The following HKDC1 variants were observed in gnomAD, a reference collection of about 807,000 sequenced individuals.
HKDC1 encodes hexokinase HKDC1.
Under a neutral mutation model 96.6 loss-of-function variants are expected in HKDC1, and 66 were observed. The observed-to-expected ratio is 0.68, with a 90% CI of 0.56 to 0.84. The LOEUF (loss-of-function observed/expected upper bound fraction) is 0.84. HKDC1 is among the 40% of genes least tolerant of loss of function. The pLI, the probability that HKDC1 is intolerant of heterozygous loss-of-function variation, is 0.00. For missense variants in HKDC1, 1,211 were observed against 1,208.1 expected (o/e 1.00, Z -0.04); for synonymous variants, 466 against 473.1 (o/e 0.98, Z 0.20).
chr10:69,245,380 T>C (rs2132355549), intron 7 of HKDC1, among the ~76,000 whole-genome samples: 1 of 151,740 alleles, frequency 6.6e-6, no homozygotes, highest in East Asian at 1.9e-4. Context: ...AGGCCAGGAG[T>C]TTATGATAAG....
intron 1 of HKDC1, 135 bp from the exon 2 acceptor site, chr10:69,227,072 G>A: frequency 1.1e-6 from 1 of 929,432 alleles, no homozygotes; most frequent in Non-Finnish European, 1.7e-6. Context: ...CAGATAGGGA[G>A]GCTTTGGGAA....
intron 15 of HKDC1, 69 bp downstream of exon 15, chr10:69,259,028 A>G: frequency 8.1e-7 from 1 of 1,237,704 alleles, no homozygotes; most frequent in Non-Finnish European, 1.1e-6. Context: ...CTAAGGGGGT[A>G]CCATAGACAG....
rs201928386 is a variant in HKDC1 at position 69,232,793 on chromosome 10, G to A, written c.256G>A (p.Gly86Arg). The change falls in exon 3 of 18, where the codon GGA (glycine) becomes AGA (arginine). Residue 86 changes from glycine to arginine, a missense_variant. Gly to Arg is a moderately radical substitution (Grantham distance 125, BLOSUM62 -2). Coordinates refer to ENST00000354624, the MANE Select transcript of HKDC1 (RefSeq NM_025130.4). Reference sequence around the variant, plus strand: ...TGGGGAGTTCCTTTCCCTGGATCTCGGAGGGTCCAAGTTCCGAGTGCTGAA... The same window carrying A: ...TGGGGAGTTCCTTTCCCTGGATCTCAGAGGGTCCAAGTTCCGAGTGCTGAA... ...ENGEFLSLDL[G>R]GSKFRVLKVQ... 1.4e-5 allele frequency: 22 copies of A among 1,614,134 alleles called. No homozygotes were observed. Among genetic ancestry groups the A allele is most frequent in the Admixed American group, 6.7e-5 (4 of 60,008 alleles).
chr10:69,246,891 G>A (rs565173280), intron 8 of HKDC1, among the ~76,000 whole-genome samples: 5 of 152,348 alleles, frequency 3.3e-5, no homozygotes, highest in East Asian at 3.9e-4. Flanking sequence ...GCTCAGCCAC[G>A]TGGCGCTGAC....
intron 14 of HKDC1, among the ~76,000 whole-genome samples, chr10:69,257,689 G>GC (rs1451547860): frequency 1.3e-5 from 2 of 151,954 alleles, no homozygotes; most frequent in African/African-American, 4.8e-5. Flanking sequence ...TTGTCATGGG[G>GC]GGGGGAAGGA....
chr10:69,257,040 C>T lies in HKDC1; in HGVS notation c.1841C>T (p.Thr614Ile). The T allele has an allele frequency of 1.2e-6, 2 of 1,613,110 alleles. No homozygotes were observed. The highest frequency in any genetic ancestry group is 1.7e-6 in the Non-Finnish European group (2 of 1,179,076). ...PCRQMSIDKG[T>I]LIGWTKGFKA... ...ATTTCCCCTCCTTTCTTTCAGGGAACACTCATAGGGTGGACCAAAGGTTTC... is the reference window on the plus strand; with the variant it reads ...ATTTCCCCTCCTTTCTTTCAGGGAATACTCATAGGGTGGACCAAAGGTTTC... Residue 614 changes from threonine (T) to isoleucine (I), a missense_variant, in exon 13 of 18, where the codon ACA becomes ATA. By Grantham distance (89) the Thr-to-Ile change is moderately conservative (BLOSUM62 -1). Coordinates refer to ENST00000354624, the MANE Select transcript of HKDC1 (RefSeq NM_025130.4).
intron 14 of HKDC1, 114 bp downstream of exon 14, chr10:69,257,540 C>A: frequency 1.2e-6 from 1 of 860,560 alleles, no homozygotes; most frequent in Non-Finnish European, 1.9e-6. Flanking sequence ...CTGCCCAAGG[C>A]AGAGATGAAG....
chr10:69,266,288 A>G, intron 17 of HKDC1, among the ~76,000 whole-genome samples: 1 of 152,132 alleles, frequency 6.6e-6, no homozygotes. Context: ...ATAAATAAAT[A>G]AAATACAAAA....
rs1252890656 is a variant in HKDC1 at position 69,257,120 on chromosome 10, A to C, written c.1921A>C (p.Lys641Gln). ...DVVDMLREAI[K>Q]RRNEFDLDIV... Reference sequence around the variant, plus strand: ...GGTGGACATGCTCAGGGAAGCCATCAAGAGGAGAAACGTAGGATGTGGTGT... The same window carrying C: ...GGTGGACATGCTCAGGGAAGCCATCCAGAGGAGAAACGTAGGATGTGGTGT... Residue 641 changes from lysine to glutamine, a missense_variant, in exon 13 of 18, where the codon AAG becomes CAG. Transcript: ENST00000354624. 1 of 1,614,044 alleles carries C rather than the reference A, an allele frequency of 6.2e-7. No homozygotes were observed. Among genetic ancestry groups the C allele is most frequent in the East Asian group, 2.2e-5 (1 of 44,874 alleles).
At position 69,261,306 on chromosome 10, in the gene HKDC1, T is replaced by C. The variant is rs974503875; in HGVS notation, c.2372+12T>C. ...TCCCAGATCGAAAGGTGACCTGTGATCAAGTTCATCATGAGGCTCTGACTG... is the reference window on the plus strand; with the variant it reads ...TCCCAGATCGAAAGGTGACCTGTGACCAAGTTCATCATGAGGCTCTGACTG... On this transcript the variant is annotated intron_variant, in intron 16 of 17. Transcript: ENST00000354624. 2 of 1,612,204 alleles carry C rather than the reference T, an allele frequency of 1.2e-6. No homozygotes were observed. The highest frequency in any genetic ancestry group is 1.7e-6 in the Non-Finnish European group (2 of 1,178,496).
chr10:69,234,978 A>T (rs1370415470), intron 4 of HKDC1, among the ~76,000 whole-genome samples: 3 of 152,236 alleles, frequency 2.0e-5, no homozygotes, highest in Non-Finnish European at 2.9e-5. Context: ...AGAAGGTTCC[A>T]GGGGCCTGGC....
At chr10:69,227,167 G>T in intron 1 of HKDC1, 40 bp from the exon 2 acceptor site, 1 of 1,610,230 alleles carries the variant, frequency 6.2e-7, no homozygotes, top group Non-Finnish European at 8.5e-7. Flanking sequence ...GAGGGTGAGG[G>T]CCCCCAGCAG....
chr10:69,227,307 C>A lies in HKDC1; in HGVS notation c.164C>A (p.Thr55Asn), dbSNP rs745977543. 6.2e-7 allele frequency: 1 copy of A among 1,614,030 alleles called. No homozygotes were observed. The highest frequency in any genetic ancestry group is 8.5e-7 in the Non-Finnish European group (1 of 1,180,026). ...AEMEKGLAKD[T>N]NPTAAVKMLP... Reference sequence around the variant, plus strand: ...ATGGAGAAGGGCCTGGCAAAGGACACCAACCCCACGGCTGCAGTGAAGATG... The same window carrying A: ...ATGGAGAAGGGCCTGGCAAAGGACAACAACCCCACGGCTGCAGTGAAGATG... Residue 55 changes from threonine to asparagine, a missense_variant, in exon 2 of 18, where the codon ACC becomes AAC. Thr to Asn is a moderately conservative substitution (Grantham distance 65). Coordinates refer to ENST00000354624, the MANE Select transcript of HKDC1 (RefSeq NM_025130.4).
chr10:69,221,163 T>C (rs879867698), intron 1 of HKDC1, among the ~76,000 whole-genome samples: 2 of 151,690 alleles, frequency 1.3e-5, no homozygotes, highest in African/African-American at 2.4e-5. Context: ...AAAAAAGAAC[T>C]GTTGGGGCAG....
intron 1 of HKDC1, among the ~76,000 whole-genome samples, chr10:69,222,205 G>A (rs1843076866): frequency 6.6e-6 from 1 of 152,218 alleles, no homozygotes; most frequent in Admixed American, 6.5e-5. Context: ...CTGGGCAACA[G>A]AATGAGACTC....
intron 10 of HKDC1, among the ~76,000 whole-genome samples, chr10:69,249,340 C>T (rs1309296328): frequency 2.0e-5 from 3 of 152,186 alleles, no homozygotes; most frequent in South Asian, 2.1e-4. Flanking sequence ...TCATTTCATC[C>T]TCACAACCAC....
In HKDC1 at chr10:69,248,530, G is replaced by T. The variant is rs552439176; in HGVS notation, c.1372G>T (p.Ala458Ser). ...CACCAAGGGGGCCGCCATGGTGACC[G>T]CGGTGGCCTCCCGCGTGCAGGCCCA... is the stretch of plus-strand genomic sequence containing the variant. Reference protein sequence around the residue: ...GSTKGAAMVTAVASRVQAQRK... With the variant: ...GSTKGAAMVTSVASRVQAQRK... The change falls in exon 10 of 18, where the codon GCG becomes TCG. Residue 458 changes from alanine (A) to serine (S), a missense_variant. By Grantham distance (99) the Ala-to-Ser change is moderately conservative. Coordinates refer to ENST00000354624, the MANE Select transcript of HKDC1 (RefSeq NM_025130.4). 2.5e-6 allele frequency: 4 copies of T among 1,613,958 alleles called. No homozygotes were observed. The highest frequency in any genetic ancestry group is 1.7e-5 in the Admixed American group (1 of 60,028).
chr10:69,250,402 C>T lies in HKDC1; in HGVS notation c.1683C>T (p.Ile561=). The T allele has an allele frequency of 3.7e-6, 6 of 1,613,964 alleles. No homozygotes were observed. The highest frequency in any genetic ancestry group is 5.1e-6 in the Non-Finnish European group (6 of 1,179,870). Reference sequence around the variant, plus strand: ...GAATGTACAACAAGATCTTCGCCATCCCCCTGGAGATCATGCAGGGCACTG... The same window carrying T: ...GAATGTACAACAAGATCTTCGCCATTCCCCTGGAGATCATGCAGGGCACTG... ...SVRMYNKIFA[I]PLEIMQGTGE... is the part of the protein sequence containing the mutation. Residue 561 remains isoleucine, a synonymous_variant, in exon 11 of 18, where the codon ATC becomes ATT. Transcript: ENST00000354624.
intron 2 of HKDC1, among the ~76,000 whole-genome samples, chr10:69,231,975 A>G (rs1045243807): frequency 1.3e-5 from 2 of 152,216 alleles, no homozygotes; most frequent in Non-Finnish European, 2.9e-5. Context: ...AAAAACAAAA[A>G]ATCGAGCTGG....
Sources: allele counts gnomAD v4.1 joint callset (sites outside exome capture counted in the v4.1 genomes callset), GRCh38; gene constraint gnomAD v4.1.1; transcripts MANE v1.5; gene names NCBI Gene and HGNC (gene_info 2026-07-23, HGNC 2026-07-21).